AJAP1: variants seen among roughly 807,000 people sequenced by gnomAD.
The protein encoded by AJAP1 is adherens junctions associated protein 1.
Under a neutral mutation model 35.0 loss-of-function variants are expected in AJAP1, and 5 were observed. The observed-to-expected ratio is 0.14, with a 90% CI of 0.07 to 0.30. The LOEUF is 0.30. Ranked by LOEUF, AJAP1 falls within the 10% of genes least tolerant of loss-of-function variation. The probability of loss-of-function intolerance (pLI) is 1.00; values close to 1 mark genes in which losing one functional copy is unlikely to be tolerated. For synonymous variants in AJAP1, 284 were observed against 249.3 expected (o/e 1.14, Z -1.31); for missense variants, 586 against 571.0 (o/e 1.03, Z -0.27).
intron 1 of AJAP1, among the ~76,000 whole-genome samples, chr1:4,668,209 A>G (rs1639177428): frequency 2.5e-5 from 1 of 40,212 alleles, no homozygotes; most frequent in African/African-American, 1.5e-4. Flanking sequence ...GTGAAACTCT[A>G]TCTCAAAAAA....
intron 1 of AJAP1, among the ~76,000 whole-genome samples, chr1:4,697,010 T>C (rs1639878268): frequency 6.6e-6 from 1 of 151,698 alleles, no homozygotes; most frequent in Non-Finnish European, 1.5e-5. Flanking sequence ...GCATGCTTTC[T>C]CTACGCACAC....
chr1:4,672,897 A>T lies in AJAP1; in HGVS notation c.29+17443A>T, dbSNP rs542135358. Among the ~76,000 whole-genome samples, 4 of 152,262 alleles carry T rather than the reference A, an allele frequency of 2.6e-5. No homozygotes were observed. The South Asian group carries it at 8.3e-4, about 32-fold the overall frequency. On this transcript the variant is annotated intron_variant, in intron 1 of 5. Transcript: ENST00000378191. ...TCATCACCGGAGTCCTTGGGTGCAG[A>T]GGTGGAAGAGGAGATAGAGATGAGG...
chr1:4,696,485 A>G (rs1639861580), intron 1 of AJAP1, among the ~76,000 whole-genome samples: 2 of 152,172 alleles, frequency 1.3e-5, no homozygotes, highest in Non-Finnish European at 2.9e-5. Context: ...CCCAACCTAC[A>G]GTGCTTCATC....
At position 4,758,886 on chromosome 1, in the gene AJAP1, C is replaced by G. The variant is rs182872399; in HGVS notation, c.830-10967C>G. On this transcript the variant is annotated intron_variant, in intron 2 of 5. Transcript: ENST00000378191. ...CGCTGCTCTTCCCTCTACCCGAGAT[C>G]CCAGGACAGAGCGGATCACTCTCTT... 1.5e-3 allele frequency among the ~76,000 whole-genome samples: 235 copies of G among 152,336 alleles called. 1 individual carries two copies. The highest frequency in any genetic ancestry group is 3.3e-3 in the African/African-American group (138 of 41,580).
chr1:4,772,214 C>T, intron 3 of AJAP1, 66 bp from the exon 4 acceptor site: 1 of 1,596,868 alleles, frequency 6.3e-7, no homozygotes, highest in South Asian at 1.1e-5. Flanking sequence ...CAGTGGAAGT[C>T]TGGAGTTGTG....
At chr1:4,753,656 T>C (rs1411559823) in intron 2 of AJAP1, among the ~76,000 whole-genome samples, 1 of 152,164 alleles carries the variant, frequency 6.6e-6, no homozygotes, top group Non-Finnish European at 1.5e-5. Context: ...CACCGCAACC[T>C]CCGCCTCCTG....
chr1:4,787,788 G>T lies in AJAP1; in HGVS notation c.*5303G>T. On this transcript the variant is annotated 3_prime_UTR_variant, in exon 6 of 6. Transcript: ENST00000378191. ...CAACGTCAGCGACTTGGCCCACGGG[G>T]CACGGGCACCTTGGGGATGCCATTC... 2.2e-6 allele frequency: 1 copy of T among 454,270 alleles called. No individual in the cohort carries two copies. The highest frequency in any genetic ancestry group is 1.6e-5 in the South Asian group (1 of 64,352). The allele number at this position is 454,270 out of a possible 1,614,324, so 28.1% of individuals were successfully genotyped here. A position where few individuals can be genotyped will look rare whatever the true frequency, so the allele number is the denominator to read the frequency against.
At position 4,723,186 on chromosome 1, in the gene AJAP1, G is replaced by A. The variant is rs1237289623; in HGVS notation, c.829+10487G>A. ...AACTCTTTCTTCAGCTGAAAGGGGTGCATTTAATTGAGAGGCAGAAGCTGG... is the reference window on the plus strand; with the variant it reads ...AACTCTTTCTTCAGCTGAAAGGGGTACATTTAATTGAGAGGCAGAAGCTGG... On this transcript the variant is annotated intron_variant, in intron 2 of 5. Transcript: ENST00000378191. This position sits in a 1 kb window ranked among gnomAD's most constrained non-coding sequence, Gnocchi z 4.3. Among the ~76,000 whole-genome samples, 3 of 152,312 alleles carry A rather than the reference G, an allele frequency of 2.0e-5. No homozygotes were observed. In the East Asian group the frequency reaches 5.8e-4, roughly 29 times the overall value.
At chr1:4,761,995 C>A (rs1641577156) in intron 2 of AJAP1, among the ~76,000 whole-genome samples, 1 of 152,154 alleles carries the variant, frequency 6.6e-6, no homozygotes, top group Non-Finnish European at 1.5e-5. Flanking sequence ...TCAGTCCAAT[C>A]GACTTGACAC....
chr1:4,718,032 G>A (rs766114739), intron 2 of AJAP1, among the ~76,000 whole-genome samples: 6 of 152,286 alleles, frequency 3.9e-5, no homozygotes, highest in African/African-American at 9.6e-5. Context: ...TGCTTGGAGC[G>A]CTGCAAAAGA....
chr1:4,744,090 T>C (rs1253305126), intron 2 of AJAP1, among the ~76,000 whole-genome samples: 1 of 152,018 alleles, frequency 6.6e-6, no homozygotes. Context: ...GACGTCTGAG[T>C]GTGTAGATCA....
At chr1:4,658,604 G>C (rs563309080) in intron 1 of AJAP1, among the ~76,000 whole-genome samples, 3 of 152,222 alleles carry the variant, frequency 2.0e-5, no homozygotes, top group Non-Finnish European at 4.4e-5. Flanking sequence ...AATCATGCTT[G>C]ACTAAACTGC....
At chr1:4,690,882 A>T (rs1203544034) in intron 1 of AJAP1, among the ~76,000 whole-genome samples, 2 of 152,128 alleles carry the variant, frequency 1.3e-5, no homozygotes, top group African/African-American at 4.8e-5. Flanking sequence ...GGGAGCAGGG[A>T]CCTTGGGGGT....
intron 1 of AJAP1, among the ~76,000 whole-genome samples, chr1:4,683,186 TG>T (rs992663363): frequency 2.4e-4 from 36 of 152,206 alleles, no homozygotes; most frequent in African/African-American, 8.2e-4. Context: ...ATCTGTAGAA[TG>T]GGGTTAATAG....
intron 5 of AJAP1, among the ~76,000 whole-genome samples, chr1:4,777,041 GTTGCCGA>G (rs1437211298): frequency 6.6e-6 from 1 of 152,174 alleles, no homozygotes; most frequent in Non-Finnish European, 1.5e-5. Context: ...ATAAGATTCT[GTTGCCGA>G]TTGCGGGACA....
At chr1:4,730,795 C>T (rs1640779686) in intron 2 of AJAP1, among the ~76,000 whole-genome samples, 1 of 152,166 alleles carries the variant, frequency 6.6e-6, no homozygotes, top group Non-Finnish European at 1.5e-5. Flanking sequence ...CCCAGAGGGA[C>T]TCAGAACAGA....
At chr1:4,662,313 A>G (rs1259453953) in intron 1 of AJAP1, among the ~76,000 whole-genome samples, 1 of 152,090 alleles carries the variant, frequency 6.6e-6, no homozygotes, top group African/African-American at 2.4e-5. Flanking sequence ...GCCCATCCTC[A>G]CTATTCCTGT....
rs1356222732 is a variant in AJAP1 at position 4,723,684 on chromosome 1, G to A, written c.829+10985G>A. ...AGCCGCAGATGCAGTGGGTGGAGCT[G>A]AATATTTTGAGGAGCTTTGCTCTGC... is the stretch of plus-strand genomic sequence containing the variant. On this transcript the variant is annotated intron_variant, in intron 2 of 5. Transcript: ENST00000378191. The surrounding 1 kb of genome is among the most constrained non-coding windows in gnomAD (Gnocchi z 4.3). Among the ~76,000 whole-genome samples the A allele has an allele frequency of 6.6e-6, 1 of 152,190 alleles. No individual in the cohort carries two copies. The highest frequency in any genetic ancestry group is 1.9e-4 in the East Asian group (1 of 5,196).
At chr1:4,739,348 C>G (rs1227035355) in intron 2 of AJAP1, among the ~76,000 whole-genome samples, 1 of 152,206 alleles carries the variant, frequency 6.6e-6, no homozygotes, top group Non-Finnish European at 1.5e-5. Flanking sequence ...CGTCCAAGCA[C>G]AGACATCTCC....
Sources: allele counts gnomAD v4.1 joint callset (sites outside exome capture counted in the v4.1 genomes callset), GRCh38; gene constraint gnomAD v4.1.1; non-coding constraint Gnocchi (gnomAD v3.1); transcripts MANE v1.5; gene names NCBI Gene and HGNC (gene_info 2026-07-23, HGNC 2026-07-21).